Variants in NR2F6 observed in about 807,000 individuals in gnomAD.
The protein encoded by NR2F6 is nuclear receptor subfamily 2 group F member 6, also known as ERBA-related gene-2.
A neutral mutation model predicts 26.5 loss-of-function variants in NR2F6; 16 were observed. The observed-to-expected ratio is 0.60, with a 90% CI of 0.41 to 0.92. The LOEUF (loss-of-function observed/expected upper bound fraction) is 0.92. NR2F6 is among the 40% of genes least tolerant of loss of function. The probability of loss-of-function intolerance (pLI) is 0.00; values close to 1 mark genes in which losing one functional copy is unlikely to be tolerated. For missense variants in NR2F6, 536 were observed against 631.7 expected (o/e 0.85, Z 1.62); for synonymous variants, 325 against 305.0 (o/e 1.07, Z -0.68).
intron 1 of NR2F6, 126 bp downstream of exon 1, chr19:17,244,817 T>G: frequency 8.9e-7 from 1 of 1,121,082 alleles, no homozygotes; most frequent in Non-Finnish European, 1.2e-6. Flanking sequence ...GCTGTGCCCC[T>G]ATCTCAGAGG....
chr19:17,233,943 G>A (rs2073421799), intron 3 of NR2F6, among the ~76,000 whole-genome samples: 1 of 152,134 alleles, frequency 6.6e-6, no homozygotes, highest in African/African-American at 2.4e-5. Context: ...AATCTGGGAA[G>A]GCCAGGCGCG....
intron 2 of NR2F6, among the ~76,000 whole-genome samples, 190 bp from the exon 3 acceptor site, chr19:17,236,255 G>GGGGGAA (rs1555711132): frequency 8.0e-6 from 1 of 124,414 alleles, no homozygotes; most frequent in Non-Finnish European, 1.7e-5. Context: ...CCGGAAGAGG[G>GGGGGAA]GGGATGAGGG....
intron 2 of NR2F6, among the ~76,000 whole-genome samples, chr19:17,236,724 A>G (rs1287983342): frequency 6.6e-6 from 1 of 152,036 alleles, no homozygotes; most frequent in Non-Finnish European, 1.5e-5. Context: ...GTGACCCCTG[A>G]GGGCCGGTCT....
intron 2 of NR2F6, among the ~76,000 whole-genome samples, chr19:17,239,199 TG>T (rs1230379751): frequency 6.7e-6 from 1 of 149,398 alleles, no homozygotes; most frequent in East Asian, 2.0e-4. Flanking sequence ...TAGCTGGGCG[TG>T]GTGGCATGTG....
In NR2F6 at chr19:17,245,335, G is replaced by C; in HGVS notation, c.-115C>G. 1 of 922,258 alleles carries C rather than the reference G, an allele frequency of 1.1e-6. No homozygotes were observed. Among genetic ancestry groups the C allele is most frequent in the Non-Finnish European group, 1.4e-6 (1 of 725,468 alleles). 57.1% of individuals were successfully genotyped at this position (922,258 alleles called of 1,614,324 possible). A position where few individuals can be genotyped will look rare whatever the true frequency, so the allele number is the denominator to read the frequency against. ...TCGGCCCCGGCGCGCGGGGGGCACG[G>C]GCTGCACCCCCCAAAAAAGTTTTGC... On this transcript the variant is annotated 5_prime_UTR_variant, in exon 1 of 4. Coordinates refer to ENST00000291442, the MANE Select transcript of NR2F6 (RefSeq NM_005234.4). This position sits in a 1 kb window ranked among gnomAD's most constrained non-coding sequence, Gnocchi z 5.0.
In NR2F6 at chr19:17,244,935, G is replaced by T; in HGVS notation, c.278+8C>A. ...TGCACGGCGGCGGCGCGCGGATGGG[G>T]GGCTCACCGGCAGGTGTAGCTGAGG... On this transcript the variant is annotated splice_region_variant and intron_variant, in intron 1 of 3. Coordinates refer to ENST00000291442, the MANE Select transcript of NR2F6 (RefSeq NM_005234.4). 6.4e-7 allele frequency: 1 copy of T among 1,563,986 alleles called. No homozygotes were observed. The highest frequency in any genetic ancestry group is 8.7e-7 in the Non-Finnish European group (1 of 1,154,956).
intron 2 of NR2F6, among the ~76,000 whole-genome samples, chr19:17,236,680 T>C (rs2073440423): frequency 6.6e-6 from 1 of 152,138 alleles, no homozygotes; most frequent in African/African-American, 2.4e-5. Context: ...ACAGGGATCA[T>C]TTCTCTACCT....
At chr19:17,232,662 C>A in intron 3 of NR2F6, 36 bp from the exon 4 acceptor site, 1 of 1,510,640 alleles carries the variant, frequency 6.6e-7, no homozygotes, top group Non-Finnish European at 8.8e-7. Context: ...AGGTGGGAGG[C>A]AGCTAGAGAA....
intron 2 of NR2F6, among the ~76,000 whole-genome samples, chr19:17,237,350 TTTC>T (rs772801167): frequency 1.5e-3 from 229 of 152,188 alleles, no homozygotes; most frequent in Admixed American, 2.7e-3. Context: ...ACTTTTTCTT[TTTC>T]TTTTTTCCCT....
intron 1 of NR2F6, 78 bp downstream of exon 1, chr19:17,244,865 A>G (rs1488406052): frequency 1.3e-6 from 2 of 1,504,196 alleles, no homozygotes; most frequent in Non-Finnish European, 1.8e-6. Flanking sequence ...CGCCAGGCCC[A>G]AGGTGACCGA....
chr19:17,232,190 TAA>T lies in NR2F6; in HGVS notation c.*160_*161del. ...GTCTCTTTTTGGTTTCATGATCATT[TAA>T]AAAACAGAAAAGACAAACATTTCAC... On this transcript the variant is annotated 3_prime_UTR_variant, in exon 4 of 4. Coordinates refer to ENST00000291442, the MANE Select transcript of NR2F6 (RefSeq NM_005234.4). The T allele has an allele frequency of 9.4e-7, 1 of 1,059,528 alleles. No homozygotes were observed. Among genetic ancestry groups the T allele is most frequent in the Non-Finnish European group, 1.3e-6 (1 of 754,794 alleles). 65.6% of individuals were successfully genotyped at this position (1,059,528 alleles called of 1,614,324 possible). A position where few individuals can be genotyped will look rare whatever the true frequency, so the allele number is the denominator to read the frequency against.
intron 2 of NR2F6, among the ~76,000 whole-genome samples, chr19:17,236,551 CAGAT>C (rs770679991): frequency 7.9e-4 from 121 of 152,272 alleles, no homozygotes; most frequent in Admixed American, 1.2e-3. Flanking sequence ...AGCCTCCTAA[CAGAT>C]AGTCATGGGG....
chr19:17,236,433 G>A (rs980228505), intron 2 of NR2F6, among the ~76,000 whole-genome samples: 3 of 151,900 alleles, frequency 2.0e-5, no homozygotes, highest in Non-Finnish European at 2.9e-5. Flanking sequence ...CCCCATGGGC[G>A]CCAGGCTGGT....
At chr19:17,238,017 G>C (rs2073449113) in intron 2 of NR2F6, among the ~76,000 whole-genome samples, 1 of 152,092 alleles carries the variant, frequency 6.6e-6, no homozygotes, top group Admixed American at 6.6e-5. Flanking sequence ...GCGAACACCT[G>C]TAATCTCAGC....
chr19:17,237,423 CT>C (rs2073445449), intron 2 of NR2F6, among the ~76,000 whole-genome samples: 1 of 147,438 alleles, frequency 6.8e-6, no homozygotes, highest in African/African-American at 2.5e-5. Flanking sequence ...CTCTCTCTCT[CT>C]CTTTTTGAGA....
intron 2 of NR2F6, among the ~76,000 whole-genome samples, 163 bp downstream of exon 2, chr19:17,240,508 T>A (rs1277108572): frequency 6.6e-6 from 1 of 151,772 alleles, no homozygotes. Context: ...AAGGGATCAG[T>A]GGTAATGAGG....
chr19:17,242,243 G>A (rs540488133), intron 1 of NR2F6, among the ~76,000 whole-genome samples: 26 of 152,266 alleles, frequency 1.7e-4, no homozygotes, highest in South Asian at 1.5e-3. Flanking sequence ...GCTTGAACCC[G>A]GGAGGCAGAG....
At chr19:17,238,281 G>A (rs2073450358) in intron 2 of NR2F6, among the ~76,000 whole-genome samples, 1 of 152,208 alleles carries the variant, frequency 6.6e-6, no homozygotes, top group Non-Finnish European at 1.5e-5. Context: ...AGGCGCTGGG[G>A]AACAAGACAG....
rs1163794221 is a variant in NR2F6, at chr19:17,245,865, T to TCGCCGC, written c.-651_-646dup. ...CTGCGCCTGGGCCCAAGCCTCGCTC[T>TCGCCGC]CGCCGCCGCCACCGCCACCGACCCC... is the stretch of plus-strand genomic sequence containing the variant. On this transcript the variant is annotated 5_prime_UTR_variant, in exon 1 of 4. Transcript: ENST00000291442. The surrounding 1 kb of genome is among the most constrained non-coding windows in gnomAD (Gnocchi z 5.0). 1.6e-3 allele frequency: 231 copies of TCGCCGC among 145,942 alleles called. 1 individual carries two copies. Among genetic ancestry groups the TCGCCGC allele is most frequent in the African/African-American group, 2.5e-3 (101 of 40,444 alleles). The allele number at this position is 145,942 out of a possible 1,614,324, so 9.0% of individuals were successfully genotyped here.
Sources: allele counts gnomAD v4.1 joint callset (sites outside exome capture counted in the v4.1 genomes callset), GRCh38; gene constraint gnomAD v4.1.1; non-coding constraint Gnocchi (gnomAD v3.1); transcripts MANE v1.5; gene names NCBI Gene and HGNC (gene_info 2026-07-23, HGNC 2026-07-21).